LYZL4: variants seen among roughly 807,000 people sequenced by gnomAD.
The protein encoded by LYZL4 is lysozyme-like protein 4.
A neutral mutation model predicts 17.6 loss-of-function variants in LYZL4; 13 were observed. The ratio of observed to expected loss-of-function variants is 0.74; its 90% CI spans 0.48 to 1.18. The LOEUF (loss-of-function observed/expected upper bound fraction) is 1.18, where lower values mean the gene tolerates loss of function less well. LYZL4 is among the 50% of genes most tolerant of loss of function. The pLI, the probability that LYZL4 is intolerant of heterozygous loss-of-function variation, is 0.00. For synonymous variants in LYZL4, 64 were observed against 67.7 expected (o/e 0.95, Z 0.27); for missense variants, 174 against 188.2 (o/e 0.92, Z 0.44).
chr3:42,362,488 G>T, the LYZL4 span, among the ~76,000 whole-genome samples: 1 of 152,184 alleles, frequency 6.6e-6, no homozygotes, highest in Non-Finnish European at 1.5e-5. Context: ...AGTTCTGGAG[G>T]CTGGGAAGCC....
chr3:42,404,215 A>T, intron 3 of LYZL4, 91 bp from the exon 4 acceptor site: 1 of 699,746 alleles, frequency 1.4e-6, no homozygotes, highest in South Asian at 2.1e-5. Flanking sequence ...CTCACATCAG[A>T]GAGTCTTCCA....
At chr3:42,382,909 G>T in the LYZL4 span, among the ~76,000 whole-genome samples, 1 of 152,010 alleles carries the variant, frequency 6.6e-6, no homozygotes, top group South Asian at 2.1e-4. Flanking sequence ...AGCCGGAGTT[G>T]CCCCTAGGCG....
the LYZL4 span, among the ~76,000 whole-genome samples, chr3:42,366,960 T>C: frequency 2.0e-5 from 3 of 152,208 alleles, no homozygotes; most frequent in South Asian, 4.1e-4. Context: ...GGGCTGTGCT[T>C]ATAGCTTGTG....
the LYZL4 span, among the ~76,000 whole-genome samples, chr3:42,390,173 G>A: frequency 6.6e-6 from 1 of 152,192 alleles, no homozygotes; most frequent in African/African-American, 2.4e-5. Flanking sequence ...GTGGCTATAA[G>A]GTCTGGAAAA....
the LYZL4 span, among the ~76,000 whole-genome samples, chr3:42,378,890 A>G: frequency 1.2e-4 from 19 of 152,170 alleles, no homozygotes; most frequent in African/African-American, 3.9e-4. Context: ...AAGTGAGAAA[A>G]CTGAATTACA....
chr3:42,386,747 G>T, the LYZL4 span, among the ~76,000 whole-genome samples: 5 of 152,140 alleles, frequency 3.3e-5, no homozygotes, highest in Non-Finnish European at 7.3e-5. Flanking sequence ...ATCTGATAAT[G>T]GTTGGCTCAG....
chr3:42,394,050 C>T (rs1305587030), downstream of LYZL4, among the ~76,000 whole-genome samples: 1 of 152,212 alleles, frequency 6.6e-6, no homozygotes, highest in Non-Finnish European at 1.5e-5. Flanking sequence ...ACCTCGGCCT[C>T]CCAGAGTGCT....
At chr3:42,389,771 G>A in the LYZL4 span, among the ~76,000 whole-genome samples, 3 of 152,136 alleles carry the variant, frequency 2.0e-5, no homozygotes, top group Admixed American at 2.0e-4. Flanking sequence ...GTCTCAGTCA[G>A]GTCCTGAAGG....
downstream of LYZL4, among the ~76,000 whole-genome samples, chr3:42,394,770 C>T (rs1240253778): frequency 6.6e-6 from 1 of 152,148 alleles, no homozygotes; most frequent in Non-Finnish European, 1.5e-5. Flanking sequence ...TGCCTCACGC[C>T]CATGTTGACA....
the LYZL4 span, among the ~76,000 whole-genome samples, chr3:42,387,377 T>G: frequency 1.3e-5 from 2 of 152,196 alleles, no homozygotes; most frequent in Non-Finnish European, 2.9e-5. Flanking sequence ...GAGAATTTCA[T>G]GTGTGTCACT....
chr3:42,394,986 AG>A (rs143755566), downstream of LYZL4, among the ~76,000 whole-genome samples: 1,230 of 152,344 alleles, frequency 8.1e-3, 14 homozygotes, highest in African/African-American at 0.023. Flanking sequence ...TCAATAAAAA[AG>A]TTGATCAAAG....
the LYZL4 span, among the ~76,000 whole-genome samples, chr3:42,372,259 C>A: frequency 1.9e-4 from 29 of 152,226 alleles, no homozygotes; most frequent in Admixed American, 1.9e-3. Context: ...AACTCTGCCA[C>A]TTGCTGGTTC....
At chr3:42,408,863 T>A (rs999421459) in intron 1 of LYZL4, among the ~76,000 whole-genome samples, 1 of 152,300 alleles carries the variant, frequency 6.6e-6, no homozygotes, top group East Asian at 1.9e-4. Flanking sequence ...GGCCTCTAGA[T>A]GCTAGTAGCT....
In LYZL4 at chr3:42,406,886, A is replaced by G; in HGVS notation, c.252T>C (p.Cys84=). 6.2e-7 allele frequency: 1 copy of G among 1,614,256 alleles called. No individual in the cohort carries two copies. Among genetic ancestry groups the G allele is most frequent in the Non-Finnish European group, 8.5e-7 (1 of 1,180,046 alleles). ...GLFQMRGSDW[C]GDHGRNRCHM... ...GGCAGCGGTTCCTGCCATGGTCGCC[A>G]CACCAGTCACTGCCACGCATCTGAA... Residue 84 remains cysteine, a synonymous_variant, in exon 3 of 5, where the codon TGT becomes TGC. Coordinates refer to ENST00000287748, the MANE Select transcript of LYZL4 (RefSeq NM_144634.4).
At chr3:42,378,150 C>T in the LYZL4 span, among the ~76,000 whole-genome samples, 1 of 152,136 alleles carries the variant, frequency 6.6e-6, no homozygotes, top group African/African-American at 2.4e-5. Context: ...GGCAAAGTCC[C>T]CAGTGTCCCA....
chr3:42,362,535 C>T, the LYZL4 span, among the ~76,000 whole-genome samples: 1,038 of 152,050 alleles, frequency 6.8e-3, 15 homozygotes, highest in African/African-American at 0.024. Context: ...GGTCTCATGA[C>T]GGCTTGCTTT....
At chr3:42,409,385 C>A (rs939502775) in intron 1 of LYZL4, among the ~76,000 whole-genome samples, 1 of 152,036 alleles carries the variant, frequency 6.6e-6, no homozygotes. Context: ...GCACATGTAC[C>A]CTGGAACTTA....
At chr3:42,408,924 C>T (rs1003653769) in intron 1 of LYZL4, among the ~76,000 whole-genome samples, 1 of 152,088 alleles carries the variant, frequency 6.6e-6, no homozygotes, top group Admixed American at 6.5e-5. Context: ...CAAAATTGCC[C>T]CCTGTTGAGA....
downstream of LYZL4, among the ~76,000 whole-genome samples, chr3:42,395,420 G>C (rs996535325): frequency 1.1e-4 from 16 of 152,116 alleles, no homozygotes; most frequent in African/African-American, 3.9e-4. Context: ...GGAAATATTA[G>C]ATCACAAAAT....
Sources: gnomAD v4.1 joint callset for allele counts (sites outside exome capture counted in the v4.1 genomes callset) on GRCh38, gnomAD v4.1.1 for gene constraint, MANE v1.5 for transcripts, NCBI Gene and HGNC (gene_info 2026-07-23, HGNC 2026-07-21) for gene names.